Variants in AKT3 observed in about 807,000 individuals in gnomAD.
The protein encoded by AKT3 is AKT serine/threonine kinase 3, also known as RAC-gamma serine/threonine-protein kinase.
A neutral mutation model predicts 65.3 loss-of-function variants in AKT3; 15 were observed. The observed-to-expected ratio is 0.23, with a 90% CI of 0.15 to 0.35. The LOEUF is 0.35. AKT3 is among the 10% of genes least tolerant of loss of function. The pLI is 1.00. For synonymous variants in AKT3, 206 were observed against 183.8 expected (o/e 1.12, Z -0.98); for missense variants, 243 against 576.5 (o/e 0.42, Z 5.92).
intron 2 of AKT3, among the ~76,000 whole-genome samples, chr1:243,823,467 G>C (rs1693978321): frequency 6.6e-6 from 1 of 152,228 alleles, no homozygotes; most frequent in South Asian, 2.1e-4. Context: ...AACAGGAAGA[G>C]AGGAAGTCAA....
chr1:243,806,159 C>T (rs1310572375), intron 2 of AKT3, among the ~76,000 whole-genome samples: 1 of 152,184 alleles, frequency 6.6e-6, no homozygotes, highest in Non-Finnish European at 1.5e-5. Flanking sequence ...ACCCAATGAA[C>T]ATGACTTCCT....
At chr1:243,705,085 AT>A (rs1020838475) in intron 2 of AKT3, among the ~76,000 whole-genome samples, 8 of 152,188 alleles carry the variant, frequency 5.3e-5, no homozygotes, top group Non-Finnish European at 4.4e-5. Context: ...CCTCATGATT[AT>A]TTTGAAAAGT....
At chr1:243,731,631 G>A (rs1558762106) in intron 2 of AKT3, among the ~76,000 whole-genome samples, 1 of 152,182 alleles carries the variant, frequency 6.6e-6, no homozygotes, top group Non-Finnish European at 1.5e-5. Context: ...GAAGGCACTA[G>A]AAGTGACGCA....
At chr1:243,652,771 C>CAAAAAAAAAAAAAAAAAA (rs371580711) in intron 4 of AKT3, among the ~76,000 whole-genome samples, 93 of 31,166 alleles carry the variant, frequency 3.0e-3, no homozygotes, top group East Asian at 8.2e-3. Context: ...AAATAGAAAG[C>CAAAAAAAAAAAAAAAAAA]AAAAAAAAAA....
intron 8 of AKT3, among the ~76,000 whole-genome samples, chr1:243,607,622 G>C (rs913063942): frequency 4.2e-4 from 64 of 152,146 alleles, no homozygotes; most frequent in Non-Finnish European, 9.3e-4. Context: ...TTTGAACTTG[G>C]ACTTTTGGGA....
intron 5 of AKT3, among the ~76,000 whole-genome samples, chr1:243,638,004 G>T (rs1006774921): frequency 1.3e-5 from 2 of 152,188 alleles, no homozygotes; most frequent in Non-Finnish European, 2.9e-5. Context: ...GTGTAAAAGG[G>T]CAAAGGAGGA....
chr1:243,677,257 C>T (rs1228765078), intron 3 of AKT3, among the ~76,000 whole-genome samples: 1 of 152,156 alleles, frequency 6.6e-6, no homozygotes, highest in Non-Finnish European at 1.5e-5. Context: ...CCAACTCATA[C>T]TCTCTATCCC....
At chr1:243,494,681 T>A (rs1667371482) in intron 13 of AKT3, among the ~76,000 whole-genome samples, 1 of 152,200 alleles carries the variant, frequency 6.6e-6, no homozygotes, top group Admixed American at 6.5e-5. Flanking sequence ...AGAATAAGAA[T>A]CATGGGAGAA....
chr1:243,550,312 A>G (rs531045938), intron 11 of AKT3, among the ~76,000 whole-genome samples: 44 of 152,310 alleles, frequency 2.9e-4, no homozygotes, highest in Non-Finnish European at 4.4e-4. Context: ...AAAATACTGC[A>G]TCTTCTCATT....
chr1:243,788,390 A>T (rs1691400364), intron 2 of AKT3, among the ~76,000 whole-genome samples: 1 of 152,242 alleles, frequency 6.6e-6, no homozygotes, highest in Non-Finnish European at 1.5e-5. Context: ...TAGAATTTCC[A>T]CTATAAATTC....
intron 2 of AKT3, among the ~76,000 whole-genome samples, chr1:243,829,620 C>T (rs1039274727): frequency 1.3e-5 from 2 of 152,010 alleles, no homozygotes; most frequent in Non-Finnish European, 2.9e-5. Context: ...AATAATAATT[C>T]ATTTAAGCAA....
At chr1:243,743,745 A>T (rs1198334800) in intron 2 of AKT3, among the ~76,000 whole-genome samples, 2 of 152,178 alleles carry the variant, frequency 1.3e-5, no homozygotes, top group Non-Finnish European at 2.9e-5. Context: ...GCCAAGGTTG[A>T]TGCTACACCT....
At chr1:243,616,164 T>C (rs927080803) in intron 6 of AKT3, among the ~76,000 whole-genome samples, 1 of 151,876 alleles carries the variant, frequency 6.6e-6, no homozygotes, top group African/African-American at 2.4e-5. Context: ...CTGAGAAGCA[T>C]ATGCTGTACC....
Position 243,501,606 on chromosome 1 carries a change from G to A in AKT3, c.*3643C>T, listed in dbSNP as rs1558568794. 1 of 230,714 alleles carries A rather than the reference G, an allele frequency of 4.3e-6. No individual in the cohort carries two copies. Among genetic ancestry groups the A allele is most frequent in the Non-Finnish European group, 8.5e-6 (1 of 117,186 alleles). 14.3% of individuals were successfully genotyped at this position (230,714 alleles called of 1,614,324 possible). On this transcript the variant is annotated 3_prime_UTR_variant, in exon 14 of 14. Transcript: ENST00000673466. ...AGTAAAAATGATCCCCTATGTGTGT[G>A]TGTGTGAGCTACAAGGAATTATTTC...
intron 3 of AKT3, among the ~76,000 whole-genome samples, chr1:243,676,950 C>T (rs146255984): frequency 1.3e-5 from 2 of 152,290 alleles, no homozygotes; most frequent in Non-Finnish European, 2.9e-5. Flanking sequence ...AACTGTATGT[C>T]ATTCTCTTCA....
At chr1:243,523,991 C>T (rs1558586587) in intron 12 of AKT3, among the ~76,000 whole-genome samples, 1 of 152,292 alleles carries the variant, frequency 6.6e-6, no homozygotes, top group South Asian at 2.1e-4. Context: ...AGAGTACTTA[C>T]ATACAAGCCT....
intron 2 of AKT3, among the ~76,000 whole-genome samples, chr1:243,831,523 G>A (rs961646299): frequency 6.6e-6 from 1 of 152,202 alleles, no homozygotes; most frequent in Non-Finnish European, 1.5e-5. Context: ...TTAGTGGTAG[G>A]TGCAGGGCTA....
chr1:243,812,842 A>G (rs1693252887), intron 2 of AKT3, among the ~76,000 whole-genome samples: 1 of 152,138 alleles, frequency 6.6e-6, no homozygotes, highest in African/African-American at 2.4e-5. Context: ...ATGCAGCCAT[A>G]AAAATGATGA....
At chr1:243,816,196 C>T (rs929180965) in intron 2 of AKT3, among the ~76,000 whole-genome samples, 12 of 152,106 alleles carry the variant, frequency 7.9e-5, no homozygotes, top group Admixed American at 5.9e-4. Context: ...ATGGCCATTC[C>T]ACCTTTAGAT....
Sources: allele counts gnomAD v4.1 joint callset (sites outside exome capture counted in the v4.1 genomes callset), GRCh38; gene constraint gnomAD v4.1.1; transcripts MANE v1.5; gene names NCBI Gene and HGNC (gene_info 2026-07-23, HGNC 2026-07-21).